Variants in CNTNAP3 observed in about 807,000 individuals in gnomAD.
The protein encoded by CNTNAP3 is contactin associated protein family member 3, also known as contactin-associated protein-like 3.
In CNTNAP3, 36 loss-of-function variants were observed where a neutral mutation model predicts 92.1. That is an observed-to-expected ratio of 0.39 (90% CI 0.30 to 0.52). The LOEUF is 0.52. Ranked by LOEUF, CNTNAP3 falls within the 20% of genes least tolerant of loss-of-function variation. CNTNAP3 has a pLI of 0.76. For missense variants in CNTNAP3, 534 were observed against 1,069.6 expected (o/e 0.50, Z 6.98); for synonymous variants, 232 against 422.3 (o/e 0.55, Z 5.53).
intron 21 of CNTNAP3, among the ~76,000 whole-genome samples, chr9:39,081,167 AG>A (rs1312518402): frequency 1.3e-5 from 2 of 151,524 alleles, no homozygotes; most frequent in Non-Finnish European, 2.9e-5. Flanking sequence ...ACCACAATCC[AG>A]GAAGAAACTC....
chr9:39,146,111 C>T (rs1242552207), intron 10 of CNTNAP3, among the ~76,000 whole-genome samples: 1 of 152,056 alleles, frequency 6.6e-6, no homozygotes, highest in African/African-American at 2.4e-5. Context: ...TATTTTTCTT[C>T]AACTAAACAC....
chr9:39,153,708 G>A (rs1821889640), intron 9 of CNTNAP3, among the ~76,000 whole-genome samples: 2 of 50,982 alleles, frequency 3.9e-5, no homozygotes, highest in South Asian at 2.8e-3. Flanking sequence ...ACAGGCTCCC[G>A]CCACCATGCC....
At chr9:39,115,200 A>G (rs1376952344) in intron 14 of CNTNAP3, among the ~76,000 whole-genome samples, 1 of 151,096 alleles carries the variant, frequency 6.6e-6, no homozygotes, top group Non-Finnish European at 1.5e-5. Flanking sequence ...CTGCCCCATT[A>G]ACGGACATAT....
chr9:39,118,212 T>C lies in CNTNAP3; in HGVS notation c.2128A>G (p.Thr710Ala), dbSNP rs537059788. 3 of 1,609,254 alleles carry C rather than the reference T, an allele frequency of 1.9e-6. No homozygotes were observed. Among genetic ancestry groups the C allele is most frequent in the African/African-American group, 1.3e-5 (1 of 74,596 alleles). The change falls in exon 14 of 24, where the codon ACT becomes GCT. Residue 710 changes from threonine to alanine, a missense_variant. By Grantham distance (58) the Thr-to-Ala change is moderately conservative. Coordinates refer to ENST00000297668, the MANE Select transcript of CNTNAP3 (RefSeq NM_033655.5). ...TCAGGCAGAGAACCTCCCCAGGAAG[T>C]GTGTGTTTCATTGGTTCTTCCAACC... Reference protein sequence around the residue: ...WWVGRTNETHTSWGGSLPDAQ... With the variant: ...WWVGRTNETHASWGGSLPDAQ...
At chr9:39,105,098 C>T (rs992937122) in intron 15 of CNTNAP3, among the ~76,000 whole-genome samples, 1 of 152,100 alleles carries the variant, frequency 6.6e-6, no homozygotes, top group African/African-American at 2.4e-5. Context: ...TCTGTCATTC[C>T]TTCCACATTA....
At position 39,084,527 on chromosome 9, in the gene CNTNAP3, C is replaced by A. The variant is rs1391156297; in HGVS notation, c.3442+1209G>T. Among the ~76,000 whole-genome samples, 6 of 152,154 alleles carry A rather than the reference C, an allele frequency of 3.9e-5. No individual in the cohort carries two copies. The South Asian group carries it at 6.2e-4, about 16-fold the overall frequency. On this transcript the variant is annotated intron_variant, in intron 21 of 23. Coordinates refer to ENST00000297668, the MANE Select transcript of CNTNAP3 (RefSeq NM_033655.5). ...AATATTTTTAAATGAAGGGATGAAT[C>A]GAAGATTTACAGGGACTCAAGAGAA...
chr9:39,124,638 C>G (rs1821113501), intron 13 of CNTNAP3, among the ~76,000 whole-genome samples: 1 of 152,086 alleles, frequency 6.6e-6, no homozygotes, highest in African/African-American at 2.4e-5. Flanking sequence ...TATCCAGAAT[C>G]TACACAGAAC....
At chr9:39,102,868 T>C (rs1198512512) in intron 16 of CNTNAP3, among the ~76,000 whole-genome samples, 153 bp from the exon 17 acceptor site, 2 of 152,118 alleles carry the variant, frequency 1.3e-5, no homozygotes, top group African/African-American at 4.8e-5. Flanking sequence ...GGGGGCAGAA[T>C]AAATCTGTAT....
At position 39,085,777 on chromosome 9, in the gene CNTNAP3, T is replaced by C; in HGVS notation, c.3401A>G (p.Glu1134Gly). The C allele has an allele frequency of 6.4e-7, 1 of 1,569,916 alleles. No homozygotes were observed. Among genetic ancestry groups the C allele is most frequent in the Non-Finnish European group, 8.7e-7 (1 of 1,149,626 alleles). ...TATGAGAGATTTGACGGCGTTGAAT[T>C]CTGTCCCTGAGGACAAGATGACTTG... Reference protein sequence around the residue: ...KKQVILSSGTEFNAVKSLILG... With the variant: ...KKQVILSSGTGFNAVKSLILG... Residue 1134 changes from glutamate to glycine, a missense_variant, in exon 21 of 24, where the codon GAA (glutamate) becomes GGA (glycine). Coordinates refer to ENST00000297668, the MANE Select transcript of CNTNAP3 (RefSeq NM_033655.5).
chr9:39,118,493 C>G (rs1303225962), intron 13 of CNTNAP3, among the ~76,000 whole-genome samples: 2 of 152,026 alleles, frequency 1.3e-5, no homozygotes, highest in African/African-American at 4.8e-5. Flanking sequence ...TATTTTTCTT[C>G]TATTAGAAAT....
chr9:39,080,921 TC>T (rs1825917747), intron 21 of CNTNAP3, among the ~76,000 whole-genome samples: 1 of 139,974 alleles, frequency 7.1e-6, no homozygotes, highest in South Asian at 2.3e-4. Flanking sequence ...CACCTCGGCC[TC>T]CCAAAGTGTC....
chr9:39,132,710 G>C (rs1821322248), intron 13 of CNTNAP3, among the ~76,000 whole-genome samples: 1 of 152,162 alleles, frequency 6.6e-6, no homozygotes, highest in African/African-American at 2.4e-5. Context: ...CAAGTCACTA[G>C]TCCTGCATAT....
At chr9:39,141,669 T>A (rs546172179) in intron 11 of CNTNAP3, among the ~76,000 whole-genome samples, 1 of 152,152 alleles carries the variant, frequency 6.6e-6, no homozygotes, top group African/African-American at 2.4e-5. Context: ...TTATGGCATA[T>A]TGATTTAAAT....
At chr9:39,079,525 C>A (rs1289427242) in intron 21 of CNTNAP3, among the ~76,000 whole-genome samples, 1 of 151,910 alleles carries the variant, frequency 6.6e-6, no homozygotes, top group African/African-American at 2.4e-5. Context: ...CCTGCTAGTT[C>A]TTGGCATGCC....
In CNTNAP3 at chr9:39,108,134, C is replaced by T. The variant is rs577815130; in HGVS notation, c.2365+1026G>A. ...GTCAGAATATTTGCATTGGTTCCCC[C>T]TATCTCCAAATTTCACAGGGCAACA... On this transcript the variant is annotated intron_variant, in intron 15 of 23. Coordinates refer to ENST00000297668, the MANE Select transcript of CNTNAP3 (RefSeq NM_033655.5). Among the ~76,000 whole-genome samples, 38 of 152,180 alleles carry T rather than the reference C, an allele frequency of 2.5e-4. No homozygotes were observed. In the East Asian group the frequency reaches 7.4e-3, roughly 29 times the overall value.
chr9:39,146,345 G>A (rs1343163017), intron 10 of CNTNAP3, among the ~76,000 whole-genome samples: 1 of 152,070 alleles, frequency 6.6e-6, no homozygotes, highest in Non-Finnish European at 1.5e-5. Context: ...GGTATACAGG[G>A]CAAACCTTAA....
intron 12 of CNTNAP3, among the ~76,000 whole-genome samples, 167 bp from the exon 13 acceptor site, chr9:39,133,302 G>A (rs1020834171): frequency 6.6e-6 from 1 of 152,140 alleles, no homozygotes; most frequent in Non-Finnish European, 1.5e-5. Flanking sequence ...TACTGAGCCA[G>A]AACTCAGCCT....
Position 39,276,628 on chromosome 9 carries a change from C to T in CNTNAP3, c.86-9622G>A, listed in dbSNP as rs1395945698. 1.7e-4 allele frequency among the ~76,000 whole-genome samples: 6 copies of T among 35,140 alleles called. 1 individual carries two copies. The highest frequency in any genetic ancestry group is 2.7e-4 in the African/African-American group (5 of 18,520). 23.1% of individuals were successfully genotyped at this position (35,140 alleles called of 152,430 possible). The stretch of plus-strand genomic sequence containing the variant: ...CAGGATTAAGAAACTCACTCAAAAC[C>T]GCTCGACTACATGGAAACTGAACAA... On this transcript the variant is annotated intron_variant, in intron 1 of 23. Coordinates refer to ENST00000297668, the MANE Select transcript of CNTNAP3 (RefSeq NM_033655.5).
In CNTNAP3 at chr9:39,140,536, A is replaced by G. The variant is rs1354250106; in HGVS notation, c.1859T>C (p.Val620Ala). ...DGSGPLGPFLVYCNMTADAAW... is the reference protein window; with the variant it reads ...DGSGPLGPFLAYCNMTADAAW... Reference sequence around the variant, plus strand: ...CAACATACCTGTCATATTGCAGTACACAAGAAATGGTCCCAGGGGGCCACT... The same window carrying G: ...CAACATACCTGTCATATTGCAGTACGCAAGAAATGGTCCCAGGGGGCCACT... The change falls in exon 12 of 24, where the codon GTG (valine) becomes GCG (alanine). Residue 620 changes from valine to alanine, a missense_variant. Val to Ala is a moderately conservative substitution (Grantham distance 64, BLOSUM62 0). Transcript: ENST00000297668. The G allele has an allele frequency of 2.5e-6, 4 of 1,613,710 alleles. No individual in the cohort carries two copies. In the Admixed American group the frequency reaches 5.0e-5, roughly 20 times the overall value.
Sources: allele counts gnomAD v4.1 joint callset (sites outside exome capture counted in the v4.1 genomes callset), GRCh38; gene constraint gnomAD v4.1.1; transcripts MANE v1.5; gene names NCBI Gene and HGNC (gene_info 2026-07-23, HGNC 2026-07-21).